The following SPIDR variants were observed in gnomAD, a reference collection of about 807,000 sequenced individuals.
SPIDR encodes scaffold protein involved in DNA repair, also known as DNA repair-scaffolding protein.
Under a neutral mutation model 104.6 loss-of-function variants are expected in SPIDR, and 93 were observed. That is an observed-to-expected ratio of 0.89 (90% CI 0.75 to 1.06). SPIDR has a LOEUF of 1.06. Ranked by LOEUF, SPIDR falls within the 50% of genes least tolerant of loss-of-function variation. The pLI, the probability that SPIDR is intolerant of heterozygous loss-of-function variation, is 0.00. For synonymous variants in SPIDR, 431 were observed against 416.9 expected (o/e 1.03, Z -0.41); for missense variants, 1,154 against 1,111.2 (o/e 1.04, Z -0.55).
At chr8:47,517,195 A>C (rs908617833) in intron 8 of SPIDR, among the ~76,000 whole-genome samples, 14 of 152,164 alleles carry the variant, frequency 9.2e-5, no homozygotes, top group Admixed American at 2.6e-4. Flanking sequence ...CAAGTTGGCC[A>C]GGCTAGTCTT....
chr8:47,726,491 C>T (rs1386978023), intron 16 of SPIDR, among the ~76,000 whole-genome samples: 1 of 152,194 alleles, frequency 6.6e-6, no homozygotes, highest in Admixed American at 6.5e-5. Flanking sequence ...ATCTACAATG[C>T]TTCACATCCA....
At position 47,685,501 on chromosome 8, in the gene SPIDR, A is replaced by ATTTTTTTTTTTTTTT. The variant is rs1326028640; in HGVS notation, c.1685+11563_1685+11564insTTTTTTTTTTTTTTT. On this transcript the variant is annotated intron_variant, in intron 11 of 19. Transcript: ENST00000297423. ...GTTTTATTTATTTATTTATTTATTT[A>ATTTTTTTTTTTTTTT]TTTATTTATTTATTTATTTTTTTGA... Among the ~76,000 whole-genome samples, 8 of 110,288 alleles carry ATTTTTTTTTTTTTTT rather than the reference A, an allele frequency of 7.3e-5. 1 individual carries two copies. The highest frequency in any genetic ancestry group is 5.2e-4 in the South Asian group (2 of 3,864). The allele number at this position is 110,288 out of a possible 152,430, so 72.4% of individuals were successfully genotyped here.
chr8:47,551,703 G>T (rs760633399), intron 8 of SPIDR, among the ~76,000 whole-genome samples: 1 of 151,610 alleles, frequency 6.6e-6, no homozygotes, highest in Non-Finnish European at 1.5e-5. Flanking sequence ...CAATTTTGTC[G>T]ATCATTTCAA....
chr8:47,633,215 G>A (rs2067333547), intron 10 of SPIDR, among the ~76,000 whole-genome samples: 2 of 152,328 alleles, frequency 1.3e-5, no homozygotes, highest in Middle Eastern at 3.4e-3. Flanking sequence ...ATAAGTGTCT[G>A]TAATCAGGAG....
At chr8:47,545,070 C>A (rs1405771202) in intron 8 of SPIDR, among the ~76,000 whole-genome samples, 1 of 136,968 alleles carries the variant, frequency 7.3e-6, no homozygotes, top group Non-Finnish European at 1.6e-5. Flanking sequence ...TTCTTTTTAT[C>A]TTTTCTTTCT....
At chr8:47,608,124 C>T (rs1455090254) in intron 10 of SPIDR, among the ~76,000 whole-genome samples, 1 of 152,190 alleles carries the variant, frequency 6.6e-6, no homozygotes, top group Non-Finnish European at 1.5e-5. Flanking sequence ...TTCTTCCCAG[C>T]CCCTGGCAAC....
intron 7 of SPIDR, among the ~76,000 whole-genome samples, chr8:47,436,986 G>A (rs972302633): frequency 1.3e-5 from 2 of 152,184 alleles, no homozygotes; most frequent in African/African-American, 2.4e-5. Flanking sequence ...GCTGTGTGCA[G>A]CACTGCAGTG....
At chr8:47,670,067 C>G (rs1343863330) in intron 10 of SPIDR, among the ~76,000 whole-genome samples, 1 of 151,956 alleles carries the variant, frequency 6.6e-6, no homozygotes, top group Non-Finnish European at 1.5e-5. Context: ...TAGGAGATGA[C>G]CAGGCCTTAA....
chr8:47,466,886 T>TG (rs1406988129), intron 8 of SPIDR, among the ~76,000 whole-genome samples: 6 of 47,126 alleles, frequency 1.3e-4, no homozygotes, highest in Admixed American at 2.0e-4. Flanking sequence ...TAGTTTTTTT[T>TG]GAAAAAAAAA....
chr8:47,393,330 A>G (rs1309619670), intron 5 of SPIDR, among the ~76,000 whole-genome samples: 1 of 152,086 alleles, frequency 6.6e-6, no homozygotes, highest in Admixed American at 6.6e-5. Flanking sequence ...GATCCTCTCA[A>G]TGTCTTGCTT....
At chr8:47,331,594 T>G (rs2048673788) in intron 5 of SPIDR, among the ~76,000 whole-genome samples, 1 of 152,318 alleles carries the variant, frequency 6.6e-6, no homozygotes, top group East Asian at 1.9e-4. Flanking sequence ...GGTGAGTCAG[T>G]GAGTGAGTGT....
intron 6 of SPIDR, among the ~76,000 whole-genome samples, chr8:47,398,061 C>G (rs879964211): frequency 6.6e-6 from 1 of 152,102 alleles, no homozygotes; most frequent in South Asian, 2.1e-4. Flanking sequence ...CACCACGAGA[C>G]AGGAGGCCTT....
At chr8:47,371,762 T>G (rs182704630) in intron 5 of SPIDR, among the ~76,000 whole-genome samples, 119 of 152,326 alleles carry the variant, frequency 7.8e-4, no homozygotes, top group Middle Eastern at 6.8e-3. Flanking sequence ...ATAAAGCCTC[T>G]GTCACATAGT....
Position 47,599,127 on chromosome 8 carries a change from T to C in SPIDR, c.1475T>C (p.Leu492Pro). The C allele has an allele frequency of 6.2e-7, 1 of 1,613,346 alleles. No individual in the cohort carries two copies. Reference sequence around the variant, plus strand: ...GTGGTGGTGCAAAGAGTGTATTCTCTTCCCAGCAGAGACAGCACCAGGGGT... The same window carrying C: ...GTGGTGGTGCAAAGAGTGTATTCTCCTCCCAGCAGAGACAGCACCAGGGGT... ...VRVVVQRVYS[L>P]PSRDSTRGQQ... The change falls in exon 10 of 20, where the codon CTT (leucine) becomes CCT (proline). Residue 492 changes from leucine to proline, a missense_variant. Coordinates refer to ENST00000297423, the MANE Select transcript of SPIDR (RefSeq NM_001080394.4).
intron 8 of SPIDR, among the ~76,000 whole-genome samples, chr8:47,567,064 T>C (rs989858647): frequency 6.6e-6 from 1 of 152,118 alleles, no homozygotes; most frequent in Non-Finnish European, 1.5e-5. Context: ...GGTTGGAAGA[T>C]TTTAAATATG....
intron 10 of SPIDR, among the ~76,000 whole-genome samples, chr8:47,655,530 GA>G: frequency 6.6e-6 from 1 of 152,292 alleles, no homozygotes; most frequent in South Asian, 2.1e-4. Context: ...CTTCTTTTGA[GA>G]AGTGTCTGTT....
At chr8:47,682,537 C>T (rs546325221) in intron 11 of SPIDR, among the ~76,000 whole-genome samples, 1 of 152,222 alleles carries the variant, frequency 6.6e-6, no homozygotes, top group South Asian at 2.1e-4. Flanking sequence ...GTTTTAATTT[C>T]CTTTAGTTAT....
intron 1 of SPIDR, among the ~76,000 whole-genome samples, chr8:47,275,670 C>G (rs1017533734): frequency 1.3e-5 from 2 of 152,066 alleles, no homozygotes; most frequent in South Asian, 2.1e-4. Context: ...AAGATAATGT[C>G]TAATCAGAAG....
At chr8:47,653,901 A>G in intron 10 of SPIDR, 3 of 912,348 alleles carry the variant, frequency 3.3e-6, no homozygotes, top group Non-Finnish European at 1.3e-6. Context: ...GAAAAAAAGG[A>G]AAAAGAATTG....
Sources: allele counts gnomAD v4.1 joint callset (sites outside exome capture counted in the v4.1 genomes callset), GRCh38; gene constraint gnomAD v4.1.1; transcripts MANE v1.5; gene names NCBI Gene and HGNC (gene_info 2026-07-23, HGNC 2026-07-21).